The following AMPH variants were observed in gnomAD, a reference collection of about 807,000 sequenced individuals.
AMPH encodes amphiphysin (Stiff-Mann syndrome with breast cancer 128kD autoantigen).
In AMPH, 49 loss-of-function variants were observed where a neutral mutation model predicts 99.1. The observed-to-expected ratio is 0.49, with a 90% CI of 0.39 to 0.63. The LOEUF (loss-of-function observed/expected upper bound fraction) is 0.63, where lower values mean the gene tolerates loss of function less well. AMPH is among the 20% of genes least tolerant of loss of function. The pLI is 0.00. For synonymous variants in AMPH, 314 were observed against 317.3 expected (o/e 0.99, Z 0.11); for missense variants, 759 against 863.4 (o/e 0.88, Z 1.52).
At chr7:38,574,796 C>T (rs938906942) in intron 1 of AMPH, among the ~76,000 whole-genome samples, 7 of 152,006 alleles carry the variant, frequency 4.6e-5, no homozygotes, top group African/African-American at 7.3e-5. Flanking sequence ...TGGCTCACAC[C>T]TGTAATCCTA....
At chr7:38,432,097 T>C (rs1258005693) in intron 13 of AMPH, 92 bp downstream of exon 13, 1 of 1,126,848 alleles carries the variant, frequency 8.9e-7, no homozygotes, top group Non-Finnish European at 1.4e-6. Context: ...TGTATGTGTC[T>C]TCTTTCTGTT....
intron 2 of AMPH, among the ~76,000 whole-genome samples, chr7:38,522,641 G>T (rs1331574477): frequency 1.3e-5 from 2 of 152,190 alleles, no homozygotes; most frequent in Admixed American, 1.3e-4. Flanking sequence ...TCAGCCTACA[G>T]CTAGAGAGCT....
rs1481528083 is a variant in AMPH, at chr7:38,525,277, T to TATAG, written c.150+9653_150+9654insCTAT. Among the ~76,000 whole-genome samples the TATAG allele has an allele frequency of 2.4e-3, 209 of 86,642 alleles. 1 individual carries two copies. Among genetic ancestry groups the TATAG allele is most frequent in the South Asian group, 0.013 (28 of 2,228 alleles). The allele number at this position is 86,642 out of a possible 152,430, so 56.8% of individuals were successfully genotyped here. On this transcript the variant is annotated intron_variant, in intron 2 of 20. Coordinates refer to ENST00000356264, the MANE Select transcript of AMPH (RefSeq NM_001635.4). ...GTGTGTGTATATATATATATATATATAGAGAGAGAGAGAGAGAGAGAGAGA... is the reference window on the plus strand; with the variant it reads ...GTGTGTGTATATATATATATATATATATAGAGAGAGAGAGAGAGAGAGAGAGAGA...
intron 2 of AMPH, among the ~76,000 whole-genome samples, chr7:38,533,697 C>T (rs1056450449): frequency 2.0e-5 from 3 of 152,164 alleles, no homozygotes; most frequent in African/African-American, 7.2e-5. Flanking sequence ...TCTGTGGACA[C>T]TGGTAACTCC....
At chr7:38,571,275 ATATT>A (rs1282506635) in intron 1 of AMPH, among the ~76,000 whole-genome samples, 1,446 of 54,134 alleles carry the variant, frequency 0.027, 27 homozygotes, top group Admixed American at 0.041. Context: ...ATTTATATAT[ATATT>A]TTTATATATA....
At chr7:38,500,028 C>A (rs187711482) in intron 3 of AMPH, among the ~76,000 whole-genome samples, 29 of 152,322 alleles carry the variant, frequency 1.9e-4, no homozygotes, top group South Asian at 4.1e-4. Context: ...TTATAAATTA[C>A]CCAGTCTGGG....
chr7:38,444,480 C>T (rs77217924), intron 11 of AMPH, among the ~76,000 whole-genome samples: 8,616 of 152,138 alleles, frequency 0.057, 631 homozygotes, highest in East Asian at 0.35. Context: ...CATGTGAAGA[C>T]ACAGAGCCCA....
chr7:38,499,100 C>T (rs1199652409), intron 3 of AMPH, among the ~76,000 whole-genome samples: 1 of 152,212 alleles, frequency 6.6e-6, no homozygotes, highest in East Asian at 1.9e-4. Context: ...TCTTGCCTCT[C>T]CTAAGGTGTG....
chr7:38,618,557 G>A (rs753152419), intron 1 of AMPH, among the ~76,000 whole-genome samples: 9 of 151,772 alleles, frequency 5.9e-5, no homozygotes, highest in East Asian at 1.9e-4. Context: ...TCTTGTTGAC[G>A]AACATAAAAT....
intron 1 of AMPH, among the ~76,000 whole-genome samples, chr7:38,581,922 C>T (rs996175455): frequency 6.6e-6 from 1 of 152,042 alleles, no homozygotes; most frequent in Non-Finnish European, 1.5e-5. Flanking sequence ...ATGGGGTGCT[C>T]ATTTTTTCAT....
intron 11 of AMPH, among the ~76,000 whole-genome samples, chr7:38,453,470 TC>T (rs1259805002): frequency 6.6e-6 from 1 of 152,158 alleles, no homozygotes; most frequent in East Asian, 1.9e-4. Flanking sequence ...TCTTAACTTT[TC>T]CCATCACTCT....
chr7:38,435,593 A>G (rs1276204676), intron 12 of AMPH, among the ~76,000 whole-genome samples: 2 of 152,236 alleles, frequency 1.3e-5, no homozygotes, highest in Non-Finnish European at 2.9e-5. Context: ...TATATTTCAG[A>G]GGACCTACCC....
intron 6 of AMPH, 55 bp downstream of exon 6, chr7:38,476,807 C>G: frequency 7.4e-7 from 1 of 1,344,784 alleles, no homozygotes; most frequent in Non-Finnish European, 1.1e-6. Flanking sequence ...AAAAGTAAAG[C>G]TGCAACAGGT....
chr7:38,497,902 A>G (rs1788989611), intron 3 of AMPH, among the ~76,000 whole-genome samples: 1 of 152,198 alleles, frequency 6.6e-6, no homozygotes, highest in South Asian at 2.1e-4. Context: ...ATGAAGAACT[A>G]TTAATGACAC....
intron 20 of AMPH, among the ~76,000 whole-genome samples, chr7:38,385,587 C>T (rs1157296699): frequency 1.3e-5 from 2 of 152,196 alleles, no homozygotes; most frequent in Non-Finnish European, 2.9e-5. Flanking sequence ...ATATAAACTA[C>T]AAAGCAGTTG....
At chr7:38,438,632 T>C (rs1311699275) in intron 11 of AMPH, among the ~76,000 whole-genome samples, 3 of 152,154 alleles carry the variant, frequency 2.0e-5, no homozygotes, top group Non-Finnish European at 2.9e-5. Flanking sequence ...AGATGAAGGA[T>C]GAAATGAGGC....
At chr7:38,573,629 G>C (rs1237577755) in intron 1 of AMPH, among the ~76,000 whole-genome samples, 1 of 152,176 alleles carries the variant, frequency 6.6e-6, no homozygotes, top group East Asian at 1.9e-4. Context: ...TGTTCATGTA[G>C]TCAAATCTAT....
At chr7:38,561,047 A>T (rs1161851323) in intron 1 of AMPH, among the ~76,000 whole-genome samples, 1 of 152,244 alleles carries the variant, frequency 6.6e-6, no homozygotes, top group East Asian at 1.9e-4. Flanking sequence ...ATGAAGCATC[A>T]ACAGATGCTT....
chr7:38,536,501 T>C (rs1790606472), intron 1 of AMPH, among the ~76,000 whole-genome samples: 1 of 152,174 alleles, frequency 6.6e-6, no homozygotes, highest in African/African-American at 2.4e-5. Context: ...AAACGAAAAA[T>C]GATTTTGTAT....
Sources: gnomAD v4.1 joint callset for allele counts (sites outside exome capture counted in the v4.1 genomes callset) on GRCh38, gnomAD v4.1.1 for gene constraint, MANE v1.5 for transcripts, NCBI Gene and HGNC (gene_info 2026-07-23, HGNC 2026-07-21) for gene names.